HMCN1: variants seen among roughly 807,000 people sequenced by gnomAD.
HMCN1 encodes hemicentin 1, also known as hemicentin-1.
HMCN1 carries 321 observed loss-of-function variants against 625.9 expected under a neutral mutation model. That is an observed-to-expected ratio of 0.51 (90% CI 0.47 to 0.56). HMCN1 has a LOEUF of 0.56. Among genes scored for constraint, HMCN1 ranks in the 20% least tolerant of loss-of-function variants. HMCN1 has a pLI of 0.00. For missense variants in HMCN1, 6,588 were observed against 6,887.3 expected (o/e 0.96, Z 1.54); for synonymous variants, 2,425 against 2,417.6 (o/e 1.00, Z -0.09).
intron 1 of HMCN1, among the ~76,000 whole-genome samples, chr1:185,789,789 C>G (rs12079064): frequency 0.24 from 36,062 of 152,154 alleles, 4,687 homozygotes; most frequent in Non-Finnish European, 0.29. Flanking sequence ...CTCTTAGATA[C>G]TGTGGGCTCA....
At position 186,090,926 on chromosome 1, in the gene HMCN1, A is replaced by T. The variant is rs777037293; in HGVS notation, c.9887+9A>T. 135 of 1,610,154 alleles carry T rather than the reference A, an allele frequency of 8.4e-5. No individual in the cohort carries two copies. Among genetic ancestry groups the T allele is most frequent in the Non-Finnish European group, 1.1e-4 (132 of 1,177,080 alleles). On this transcript the variant is annotated intron_variant, in intron 64 of 106. Coordinates refer to ENST00000271588, the MANE Select transcript of HMCN1 (RefSeq NM_031935.3). ...GAAACAGAAAGAATCCGGTATGTTT[A>T]AAAATAATCTTTCCATTATAAATTG...
At position 186,087,229 on chromosome 1, in the gene HMCN1, T is replaced by C; in HGVS notation, c.9059T>C (p.Leu3020Pro). ...NTLIVPGGRT[L>P]QIIRAKVSDG... is the part of the protein sequence containing the mutation. ...TATTTACCTACAGGTGGTCGAACTC[T>C]ACAGATTATTCGGGCCAAGGTATCA... is the stretch of plus-strand genomic sequence containing the variant. Residue 3020 changes from leucine (L) to proline (P), a missense_variant, in exon 59 of 107, where the codon CTA becomes CCA. Leu to Pro is a moderately conservative substitution (Grantham distance 98). Coordinates refer to ENST00000271588, the MANE Select transcript of HMCN1 (RefSeq NM_031935.3). The C allele has an allele frequency of 6.2e-7, 1 of 1,611,518 alleles. No individual in the cohort carries two copies. The highest frequency in any genetic ancestry group is 8.5e-7 in the Non-Finnish European group (1 of 1,177,882).
chr1:186,186,809 C>T (rs1653338276), intron 105 of HMCN1, among the ~76,000 whole-genome samples: 1 of 152,238 alleles, frequency 6.6e-6, no homozygotes, highest in Non-Finnish European at 1.5e-5. Flanking sequence ...TGCCTGCATT[C>T]ATACTGCTAG....
chr1:185,734,626 C>A lies in HMCN1; in HGVS notation c.-154C>A. On this transcript the variant is annotated 5_prime_UTR_variant, in exon 1 of 107. Coordinates refer to ENST00000271588, the MANE Select transcript of HMCN1 (RefSeq NM_031935.3). ...GGAGGGATTCGAGTTTGGTGCTTGT[C>A]CCCGTCTGATTCTCAGCGCCAAACT... is the stretch of plus-strand genomic sequence containing the variant. The A allele has an allele frequency of 2.8e-6, 2 of 720,594 alleles. No individual in the cohort carries two copies. The highest frequency in any genetic ancestry group is 4.8e-6 in the Non-Finnish European group (2 of 414,520). 44.6% of individuals were successfully genotyped at this position (720,594 alleles called of 1,614,324 possible).
intron 50 of HMCN1, 126 bp downstream of exon 50, chr1:186,068,133 C>T (rs1658245060): frequency 4.2e-6 from 4 of 945,264 alleles, no homozygotes; most frequent in African/African-American, 1.6e-5. Flanking sequence ...TCTGTGCAGC[C>T]TGGTTCCTAA....
intron 91 of HMCN1, among the ~76,000 whole-genome samples, chr1:186,145,155 G>A (rs1007485202): frequency 3.3e-5 from 5 of 152,124 alleles, no homozygotes; most frequent in Non-Finnish European, 5.9e-5. Flanking sequence ...TCCAGCTCCT[G>A]GAATATTTTA....
At position 186,093,476 on chromosome 1, in the gene HMCN1, C is replaced by T. The variant is rs779524063; in HGVS notation, c.10013-10C>T. The T allele has an allele frequency of 1.2e-5, 20 of 1,612,612 alleles. No homozygotes were observed. Among genetic ancestry groups the T allele is most frequent in the Middle Eastern group, 3.4e-4 (2 of 5,800 alleles). ...CCTCTTCCCTCTCTCTCACTTTCTG[C>T]ACAACATAGTTACACCTACAATTAG... is the stretch of plus-strand genomic sequence containing the variant. On this transcript the variant is annotated splice_polypyrimidine_tract_variant and intron_variant, in intron 65 of 106. Coordinates refer to ENST00000271588, the MANE Select transcript of HMCN1 (RefSeq NM_031935.3).
At chr1:185,766,632 C>A (rs1386456091) in intron 1 of HMCN1, among the ~76,000 whole-genome samples, 1 of 152,042 alleles carries the variant, frequency 6.6e-6, no homozygotes, top group Admixed American at 6.6e-5. Flanking sequence ...ATACACCTTA[C>A]CTAGGCAGTT....
intron 30 of HMCN1, among the ~76,000 whole-genome samples, chr1:186,009,489 A>C (rs1199112097): frequency 6.6e-6 from 1 of 152,192 alleles, no homozygotes; most frequent in Admixed American, 6.5e-5. Context: ...AAAATGAAAA[A>C]AAAAAGTAAA....
rs1553310232 is a variant in HMCN1 at position 186,175,892 on chromosome 1, GAAAGA to G, written c.15943+1268_15943+1272del. ...ACTATGTCTCAAAAAAAAAAAAAAAGAAAGAAAAGAAAAGAAAAGAAAGAAAGAAA... is the reference window on the plus strand; with the variant it reads ...ACTATGTCTCAAAAAAAAAAAAAAAGAAAGAAAAGAAAAGAAAGAAAGAAA... On this transcript the variant is annotated intron_variant, in intron 103 of 106. Coordinates refer to ENST00000271588, the MANE Select transcript of HMCN1 (RefSeq NM_031935.3). Among the ~76,000 whole-genome samples, 724 of 135,078 alleles carry G rather than the reference GAAAGA, an allele frequency of 5.4e-3. 6 individuals are homozygous for G. Among genetic ancestry groups the G allele is most frequent in the Admixed American group, 0.01 (137 of 13,578 alleles). The allele number at this position is 135,078 out of a possible 152,430, so 88.6% of individuals were successfully genotyped here.
chr1:186,163,612 C>A (rs1030409877), intron 97 of HMCN1, among the ~76,000 whole-genome samples: 2 of 152,154 alleles, frequency 1.3e-5, no homozygotes, highest in African/African-American at 4.8e-5. Context: ...AATCAGCCAC[C>A]AATTTATATG....
At chr1:185,933,928 A>T (rs1667688631) in intron 11 of HMCN1, 104 bp downstream of exon 11, 1 of 923,496 alleles carries the variant, frequency 1.1e-6, no homozygotes, top group Middle Eastern at 2.2e-4. Flanking sequence ...GTATCTACCC[A>T]AATAATTACA....
In HMCN1 at chr1:186,165,109, A is replaced by G. The variant is rs1417325735; in HGVS notation, c.15257-2A>G. On this transcript the variant is annotated splice_acceptor_variant, in intron 97 of 106. Coordinates refer to ENST00000271588, the MANE Select transcript of HMCN1 (RefSeq NM_031935.3). LOFTEE classifies it high-confidence loss of function. The stretch of plus-strand genomic sequence containing the variant: ...TTAACTTTGCTTTCCTCTCTGTGGT[A>G]GGAGATCGCAGTAATCAGTGCCCCT... 4 of 1,613,212 alleles carry G rather than the reference A, an allele frequency of 2.5e-6. No homozygotes were observed. The highest frequency in any genetic ancestry group is 1.7e-6 in the Non-Finnish European group (2 of 1,179,314).
At chr1:185,949,746 T>C (rs1170255143) in intron 11 of HMCN1, among the ~76,000 whole-genome samples, 1 of 151,892 alleles carries the variant, frequency 6.6e-6, no homozygotes, top group Non-Finnish European at 1.5e-5. Flanking sequence ...CCAGTGAAAG[T>C]ATCTGCCTAG....
In HMCN1 at chr1:186,174,610, A is replaced by T. The variant is rs1366576966; in HGVS notation, c.15911A>T (p.Tyr5304Phe). ...TATCGTTGTGTATGCCCAAGAGGTT[A>T]TCGGTCTCAAGGAGTTGGAAGACCC... is the stretch of plus-strand genomic sequence containing the variant. ...GSYRCVCPRG[Y>F]RSQGVGRPCM... Residue 5304 changes from tyrosine to phenylalanine, a missense_variant, in exon 103 of 107, where the codon TAT becomes TTT. Tyr to Phe is a conservative substitution (Grantham distance 22, BLOSUM62 3). Around this residue, in one of 3 missense-constraint regions of HMCN1, gnomAD observed 1,954 missense variants for 2,013.1 expected, o/e 0.97. Coordinates refer to ENST00000271588, the MANE Select transcript of HMCN1 (RefSeq NM_031935.3). The T allele has an allele frequency of 6.2e-7, 1 of 1,614,070 alleles. No homozygotes were observed. Among genetic ancestry groups the T allele is most frequent in the Non-Finnish European group, 8.5e-7 (1 of 1,179,922 alleles).
chr1:186,008,883 T>C (rs1260418675), intron 30 of HMCN1, among the ~76,000 whole-genome samples: 1 of 152,212 alleles, frequency 6.6e-6, no homozygotes, highest in Admixed American at 6.6e-5. Context: ...AAATCTCCCT[T>C]TTTAAATGTT....
chr1:185,805,966 T>G (rs1659148157), intron 1 of HMCN1, among the ~76,000 whole-genome samples: 1 of 152,108 alleles, frequency 6.6e-6, no homozygotes. Context: ...GATCCTATCA[T>G]TTTTATTCCT....
chr1:186,086,857 T>C (rs1659526921), intron 58 of HMCN1, among the ~76,000 whole-genome samples: 1 of 150,264 alleles, frequency 6.7e-6, no homozygotes, highest in South Asian at 2.1e-4. Context: ...GATAGATAGA[T>C]AGATAGATAG....
intron 4 of HMCN1, among the ~76,000 whole-genome samples, chr1:185,903,453 CTG>C (rs1665928398): frequency 6.6e-6 from 1 of 151,180 alleles, no homozygotes; most frequent in Non-Finnish European, 1.5e-5. Context: ...AGCAGAAAGT[CTG>C]TTTTTTTTTT....
Sources: allele counts gnomAD v4.1 joint callset (sites outside exome capture counted in the v4.1 genomes callset), GRCh38; gene constraint gnomAD v4.1.1; regional missense constraint gnomAD v4.1.1; transcripts MANE v1.5; gene names NCBI Gene and HGNC (gene_info 2026-07-23, HGNC 2026-07-21).